The following PTPN2 variants were observed in gnomAD, a reference collection of about 807,000 sequenced individuals.
PTPN2 encodes tyrosine-protein phosphatase non-receptor type 2.
Under a neutral mutation model 57.3 loss-of-function variants are expected in PTPN2, and 19 were observed. The ratio of observed to expected loss-of-function variants is 0.33; its 90% CI spans 0.23 to 0.49. PTPN2 has a LOEUF of 0.49. PTPN2 is among the 20% of genes least tolerant of loss of function. The probability of loss-of-function intolerance (pLI) is 0.99; values close to 1 mark genes in which losing one functional copy is unlikely to be tolerated. For missense variants in PTPN2, 358 were observed against 501.1 expected (o/e 0.71, Z 2.73); for synonymous variants, 153 against 164.9 (o/e 0.93, Z 0.55).
At chr18:12,823,474 G>C (rs961593274) in intron 5 of PTPN2, among the ~76,000 whole-genome samples, 4 of 152,160 alleles carry the variant, frequency 2.6e-5, no homozygotes, top group African/African-American at 7.2e-5. Flanking sequence ...AGGAGTTCAA[G>C]ATCAGTCTGG....
rs369468038 is a variant in PTPN2, at chr18:12,792,371, C to T, written c.*1907G>A. On this transcript the variant is annotated 3_prime_UTR_variant, in exon 9 of 9. Transcript: ENST00000309660. ...AATCTCGGCTCACTGCAACCTCTGC[C>T]TCCCGGGTTCAAGTGATTCTCCTGC... 4.5e-5 allele frequency: 17 copies of T among 374,088 alleles called. No individual in the cohort carries two copies. In the East Asian group the frequency reaches 2.1e-3, roughly 47 times the overall value. 23.2% of individuals were successfully genotyped at this position (374,088 alleles called of 1,614,324 possible).
At chr18:12,814,476 T>G (rs1181936432) in intron 6 of PTPN2, 121 bp from the exon 7 acceptor site, 1 of 808,692 alleles carries the variant, frequency 1.2e-6, no homozygotes, top group Non-Finnish European at 1.9e-6. Flanking sequence ...CAACGATAAT[T>G]TAACCCTCCA....
At chr18:12,870,456 TATATATAGAGAGAG>T (rs1387938762) in intron 1 of PTPN2, among the ~76,000 whole-genome samples, 10 of 38,618 alleles carry the variant, frequency 2.6e-4, no homozygotes, top group Admixed American at 3.8e-4. Context: ...TATATATATA[TATATATAGAGAGAG>T]AGAGAGAGAG....
intron 7 of PTPN2, among the ~76,000 whole-genome samples, chr18:12,813,653 T>A (rs908878903): frequency 6.6e-6 from 1 of 152,162 alleles, no homozygotes; most frequent in Non-Finnish European, 1.5e-5. Flanking sequence ...AGACAAAAAA[T>A]GGAGTCTGTG....
chr18:12,852,118 T>A (rs969899818), intron 2 of PTPN2, among the ~76,000 whole-genome samples: 1 of 151,844 alleles, frequency 6.6e-6, no homozygotes, highest in Non-Finnish European at 1.5e-5. Context: ...CAGAAATCTA[T>A]TGTACAACAA....
chr18:12,848,246 T>C (rs2043279356), intron 2 of PTPN2, among the ~76,000 whole-genome samples: 1 of 152,256 alleles, frequency 6.6e-6, no homozygotes, highest in South Asian at 2.1e-4. Flanking sequence ...TATCATCTTA[T>C]AATTCTAAGA....
intron 7 of PTPN2, among the ~76,000 whole-genome samples, chr18:12,808,899 CTTCTAATCCAGAGGT>C (rs2145281883): frequency 6.6e-6 from 1 of 152,348 alleles, no homozygotes; most frequent in East Asian, 1.9e-4. Context: ...TCTTAATCCA[CTTCTAATCCAGAGGT>C]ATGTAACACT....
At chr18:12,836,433 C>T (rs914265466) in intron 3 of PTPN2, among the ~76,000 whole-genome samples, 3 of 152,186 alleles carry the variant, frequency 2.0e-5, no homozygotes, top group Admixed American at 6.5e-5. Context: ...GAAGAGCTGT[C>T]CAGGGCCTCT....
chr18:12,873,762 T>C (rs950828835), intron 1 of PTPN2, among the ~76,000 whole-genome samples: 1 of 151,532 alleles, frequency 6.6e-6, no homozygotes, highest in Non-Finnish European at 1.5e-5. Flanking sequence ...GTCTGGGATG[T>C]TAGGAGCCCC....
At chr18:12,812,595 G>A (rs1189434231) in intron 7 of PTPN2, among the ~76,000 whole-genome samples, 14 of 151,690 alleles carry the variant, frequency 9.2e-5, no homozygotes, top group African/African-American at 2.2e-4. Context: ...GCAAAACTGC[G>A]TCTCAAAAAA....
chr18:12,799,643 G>C (rs1312453445), intron 8 of PTPN2, among the ~76,000 whole-genome samples: 1 of 150,786 alleles, frequency 6.6e-6, no homozygotes, highest in Non-Finnish European at 1.5e-5. Flanking sequence ...GGAGTGCAGT[G>C]TTATGATCTC....
intron 3 of PTPN2, among the ~76,000 whole-genome samples, chr18:12,832,151 C>G (rs1306209051): frequency 6.6e-6 from 1 of 152,170 alleles, no homozygotes; most frequent in African/African-American, 2.4e-5. Flanking sequence ...GATGGTGTCT[C>G]TGTCACCCGG....
chr18:12,819,163 G>A (rs1372571834), intron 5 of PTPN2: 2 of 780,774 alleles, frequency 2.6e-6, no homozygotes, highest in South Asian at 2.0e-5. Flanking sequence ...CAGTATATAA[G>A]GTATAATACT....
intron 1 of PTPN2, among the ~76,000 whole-genome samples, chr18:12,869,947 G>A (rs890673262): frequency 2.1e-4 from 32 of 152,104 alleles, no homozygotes; most frequent in African/African-American, 6.5e-4. Flanking sequence ...CATTACTTTA[G>A]GATGGTAAAA....
chr18:12,829,629 T>C (rs138551852), intron 4 of PTPN2, among the ~76,000 whole-genome samples: 43 of 151,980 alleles, frequency 2.8e-4, no homozygotes, highest in Non-Finnish European at 5.6e-4. Flanking sequence ...ATCCAGTATG[T>C]CCAAACCCAT....
Position 12,793,216 on chromosome 18 carries a change from TA to T in PTPN2, c.*1061del. 1.0e-6 allele frequency: 1 copy of T among 977,054 alleles called. No individual in the cohort carries two copies. Among genetic ancestry groups the T allele is most frequent in the African/African-American group, 1.8e-5 (1 of 55,090 alleles). 60.5% of individuals were successfully genotyped at this position (977,054 alleles called of 1,614,324 possible). A position where few individuals can be genotyped will look rare whatever the true frequency, so the allele number is the denominator to read the frequency against. On this transcript the variant is annotated 3_prime_UTR_variant, in exon 9 of 9. Coordinates refer to ENST00000309660, the MANE Select transcript of PTPN2 (RefSeq NM_002828.4). ...GTTAAATTCATTAAACAGTTTGCTT[TA>T]AAAAATATTCATTAAGTTAAAATGA... is the stretch of plus-strand genomic sequence containing the variant.
At chr18:12,858,326 C>T (rs1425043249) in intron 2 of PTPN2, among the ~76,000 whole-genome samples, 1 of 152,158 alleles carries the variant, frequency 6.6e-6, no homozygotes, top group East Asian at 1.9e-4. Flanking sequence ...GGGAAATATG[C>T]TGAAGCACGA....
chr18:12,854,360 G>GAAAAAAAAAA (rs11460042), intron 2 of PTPN2, among the ~76,000 whole-genome samples: 13 of 119,234 alleles, frequency 1.1e-4, no homozygotes, highest in Middle Eastern at 4.4e-3. Context: ...ACCCTGTCTT[G>GAAAAAAAAAA]AAAAAAAAAA....
chr18:12,877,601 C>T (rs547026527), intron 1 of PTPN2, among the ~76,000 whole-genome samples: 2 of 152,302 alleles, frequency 1.3e-5, no homozygotes, highest in South Asian at 4.1e-4. Context: ...TAACTGGCTG[C>T]CCCGCTGTAA....
Sources: gnomAD v4.1 joint callset for allele counts (sites outside exome capture counted in the v4.1 genomes callset) on GRCh38, gnomAD v4.1.1 for gene constraint, MANE v1.5 for transcripts, NCBI Gene and HGNC (gene_info 2026-07-23, HGNC 2026-07-21) for gene names.